GALNTL6: variants seen among roughly 807,000 people sequenced by gnomAD.
The protein encoded by GALNTL6 is polypeptide N-acetylgalactosaminyltransferase like 6.
GALNTL6 carries 46 observed loss-of-function variants against 73.7 expected under a neutral mutation model. The ratio of observed to expected loss-of-function variants is 0.62; its 90% CI spans 0.49 to 0.80. GALNTL6 has a LOEUF of 0.80. Among genes scored for constraint, GALNTL6 ranks in the 30% least tolerant of loss-of-function variants. The pLI is 0.00. For missense variants in GALNTL6, 604 were observed against 755.0 expected (o/e 0.80, Z 2.34); for synonymous variants, 259 against 263.7 (o/e 0.98, Z 0.17).
chr4:172,266,152 G>A (rs1433579722), intron 3 of GALNTL6: 1 of 152,102 alleles, frequency 6.6e-6, no homozygotes, highest in Admixed American at 6.6e-5. Context: ...TTAAGAACTA[G>A]GGAGAACTTA....
intron 5 of GALNTL6, among the ~76,000 whole-genome samples, chr4:172,698,576 A>T (rs1005828080): frequency 1.3e-5 from 2 of 152,138 alleles, no homozygotes; most frequent in African/African-American, 4.8e-5. Flanking sequence ...CTCTGCTATC[A>T]TGGGCTGACC....
intron 2 of GALNTL6, among the ~76,000 whole-genome samples, chr4:171,981,515 CT>C: frequency 6.6e-6 from 1 of 152,186 alleles, no homozygotes; most frequent in South Asian, 2.1e-4. Flanking sequence ...AGGTATGGAG[CT>C]TTTTTTATCT....
chr4:172,064,062 C>T (rs927937618), intron 2 of GALNTL6, among the ~76,000 whole-genome samples: 1 of 152,132 alleles, frequency 6.6e-6, no homozygotes, highest in Non-Finnish European at 1.5e-5. Context: ...AATAAAGTTA[C>T]TCCTTTTTGA....
chr4:172,974,239 T>C (rs150124724), intron 10 of GALNTL6, among the ~76,000 whole-genome samples: 77 of 152,308 alleles, frequency 5.1e-4, no homozygotes, highest in African/African-American at 1.7e-3. Flanking sequence ...ATTTGTTCTA[T>C]CTTAGAACTG....
At chr4:172,641,862 A>G (rs1488549301) in intron 5 of GALNTL6, among the ~76,000 whole-genome samples, 1 of 152,046 alleles carries the variant, frequency 6.6e-6, no homozygotes, top group Non-Finnish European at 1.5e-5. Context: ...CCAGGACTTT[A>G]TAGGTGCTCT....
intron 5 of GALNTL6, among the ~76,000 whole-genome samples, chr4:172,741,794 G>A (rs915550065): frequency 3.3e-5 from 5 of 151,764 alleles, no homozygotes; most frequent in African/African-American, 7.3e-5. Flanking sequence ...TTCACTCTCC[G>A]CCTAAGAATA....
Position 171,814,691 on chromosome 4 carries a change from G to T in GALNTL6, c.111G>T (p.Val37=), listed in dbSNP as rs760907233. The change falls in exon 2 of 13, where the codon GTG becomes GTT. Residue 37 remains valine (V), a synonymous_variant. Coordinates refer to ENST00000506823, the MANE Select transcript of GALNTL6 (RefSeq NM_001034845.3). ...CTCTGTACAAGGATAAGCACCTGGT[G>T]AAGTCAGCGGAGCCCGGGGAGCAGC... ...LWSLYKDKHL[V]KSAEPGEQQT... is the part of the protein sequence containing the mutation. 7.4e-6 allele frequency: 12 copies of T among 1,613,978 alleles called. No homozygotes were observed. The East Asian group carries it at 2.7e-4, about 36-fold the overall frequency.
chr4:172,026,010 T>A (rs1040613963), intron 2 of GALNTL6, among the ~76,000 whole-genome samples: 7 of 152,110 alleles, frequency 4.6e-5, no homozygotes, highest in South Asian at 2.1e-4. Context: ...AACATCATTA[T>A]ATTTAAATTT....
chr4:172,100,523 T>A (rs1299427016), intron 2 of GALNTL6, among the ~76,000 whole-genome samples: 2 of 152,148 alleles, frequency 1.3e-5, no homozygotes, highest in African/African-American at 4.8e-5. Flanking sequence ...ATTAAAAATA[T>A]AATCATTATG....
At chr4:172,406,963 A>G (rs1470827250) in intron 5 of GALNTL6, among the ~76,000 whole-genome samples, 1 of 152,034 alleles carries the variant, frequency 6.6e-6, no homozygotes, top group African/African-American at 2.4e-5. Context: ...CCAACAAATG[A>G]TTACAGAAAT....
intron 5 of GALNTL6, among the ~76,000 whole-genome samples, chr4:172,553,254 A>G (rs1172062340): frequency 6.6e-6 from 1 of 152,144 alleles, no homozygotes; most frequent in Non-Finnish European, 1.5e-5. Context: ...GGGCGATGGG[A>G]ATATGTTTAG....
chr4:172,002,664 G>T (rs183640915), intron 2 of GALNTL6, among the ~76,000 whole-genome samples: 1 of 152,156 alleles, frequency 6.6e-6, no homozygotes, highest in East Asian at 1.9e-4. Context: ...TCTTGGGTTC[G>T]GTTCAAATCC....
intron 2 of GALNTL6, among the ~76,000 whole-genome samples, chr4:171,874,686 G>T (rs1218563793): frequency 2.6e-5 from 4 of 152,134 alleles, no homozygotes; most frequent in African/African-American, 9.7e-5. Context: ...TTGAGTTTTT[G>T]TCCTAGAACG....
chr4:172,250,977 T>C (rs1277806004), intron 3 of GALNTL6, among the ~76,000 whole-genome samples: 4 of 152,152 alleles, frequency 2.6e-5, no homozygotes, highest in African/African-American at 9.7e-5. Context: ...AGTACCTCTT[T>C]TTAAATACAG....
At chr4:172,894,032 G>A (rs945312540) in intron 8 of GALNTL6, among the ~76,000 whole-genome samples, 1 of 151,994 alleles carries the variant, frequency 6.6e-6, no homozygotes. Context: ...CTTCAAATAT[G>A]GTGTATATGT....
intron 8 of GALNTL6, among the ~76,000 whole-genome samples, chr4:172,921,668 C>T (rs1223195527): frequency 2.0e-5 from 3 of 151,544 alleles, no homozygotes; most frequent in Non-Finnish European, 4.4e-5. Context: ...GGCGGTGGGC[C>T]TCTATAATCC....
intron 3 of GALNTL6, among the ~76,000 whole-genome samples, chr4:172,275,743 G>A (rs868181509): frequency 3.9e-5 from 6 of 152,248 alleles, no homozygotes; most frequent in African/African-American, 1.4e-4. Context: ...GATCACTTGA[G>A]GTCAAAAGTT....
At position 172,348,638 on chromosome 4, in the gene GALNTL6, C is replaced by T; in HGVS notation, c.502C>T (p.Pro168Ser). The part of the protein sequence containing the change: ...RTIHSIINRT[P>S]GSLIAEIILV... ...CATACACAGTATAATTAACCGAACCCCAGGGAGTCTGATAGCAGAAATCAT... is the reference window on the plus strand; with the variant it reads ...CATACACAGTATAATTAACCGAACCTCAGGGAGTCTGATAGCAGAAATCAT... The change falls in exon 5 of 13, where the codon CCA becomes TCA. Residue 168 changes from proline (P) to serine (S), a missense_variant. Physicochemically the swap from Pro to Ser is moderately conservative, Grantham distance 74. This residue lies in a region of GALNTL6 where 179 missense variants were observed against 230.8 expected (regional missense o/e 0.78). Transcript: ENST00000506823. The T allele has an allele frequency of 6.2e-7, 1 of 1,611,632 alleles. No homozygotes were observed.
chr4:172,794,560 T>C (rs1740164621), intron 5 of GALNTL6, among the ~76,000 whole-genome samples: 1 of 152,194 alleles, frequency 6.6e-6, no homozygotes, highest in African/African-American at 2.4e-5. Flanking sequence ...CCAAATTATA[T>C]TTCATAGTGC....
Sources: allele counts gnomAD v4.1 joint callset (sites outside exome capture counted in the v4.1 genomes callset), GRCh38; gene constraint gnomAD v4.1.1; regional missense constraint gnomAD v4.1.1; transcripts MANE v1.5; gene names NCBI Gene and HGNC (gene_info 2026-07-23, HGNC 2026-07-21).